The following SPAG16 variants were observed in gnomAD, a reference collection of about 807,000 sequenced individuals.
The protein encoded by SPAG16 is sperm associated antigen 16.
Under a neutral mutation model 80.4 loss-of-function variants are expected in SPAG16, and 86 were observed. The observed-to-expected ratio is 1.07, with a 90% CI of 0.90 to 1.28. The LOEUF is 1.28. SPAG16 is among the 50% of genes most tolerant of loss of function. The probability of loss-of-function intolerance (pLI) is 0.00; values close to 1 mark genes in which losing one functional copy is unlikely to be tolerated. For missense variants in SPAG16, 870 were observed against 765.3 expected, an observed-to-expected ratio of 1.14 and a Z score of -1.61; for synonymous variants, 294 against 265.9, an observed-to-expected ratio of 1.11 and a Z score of -1.03.
chr2:214,311,193 CCCCTCTCT>C lies in SPAG16; in HGVS notation c.1721-98937_1721-98930del, dbSNP rs779384902. ...AGGAGCGCTTTGGCAGTCTGCATTC[CCCCTCTCT>C]CCCTCTCTCTAGGGTCAGCACACTC... On this transcript the variant is annotated intron_variant, in intron 15 of 15. Coordinates refer to ENST00000331683, the MANE Select transcript of SPAG16 (RefSeq NM_024532.5). 2.6e-3 allele frequency among the ~76,000 whole-genome samples: 394 copies of C among 152,242 alleles called. 2 individuals are homozygous for C. The highest frequency in any genetic ancestry group is 3.9e-3 in the Non-Finnish European group (263 of 68,020).
chr2:213,540,836 T>C (rs374454328), intron 10 of SPAG16, among the ~76,000 whole-genome samples: 14 of 152,288 alleles, frequency 9.2e-5, no homozygotes, highest in African/African-American at 3.4e-4. Flanking sequence ...ACCACAGAAA[T>C]GCCAGACAGA....
chr2:214,234,465 A>G (rs958201770), intron 15 of SPAG16, among the ~76,000 whole-genome samples: 3 of 152,100 alleles, frequency 2.0e-5, no homozygotes, highest in African/African-American at 7.2e-5. Context: ...AATTACCACA[A>G]TGTCTTCCAC....
chr2:213,353,572 C>T (rs2065455507), intron 7 of SPAG16, among the ~76,000 whole-genome samples: 1 of 152,152 alleles, frequency 6.6e-6, no homozygotes, highest in African/African-American at 2.4e-5. Context: ...CCTGGAGTAT[C>T]CCTAGAGTAT....
At chr2:214,374,100 G>A (rs1026570864) in intron 15 of SPAG16, among the ~76,000 whole-genome samples, 1 of 152,178 alleles carries the variant, frequency 6.6e-6, no homozygotes, top group Non-Finnish European at 1.5e-5. Context: ...TAAGAAGGTA[G>A]GTTGAGGCCA....
At chr2:213,554,797 A>C (rs1267706781) in intron 10 of SPAG16, among the ~76,000 whole-genome samples, 1 of 151,958 alleles carries the variant, frequency 6.6e-6, no homozygotes, top group African/African-American at 2.4e-5. Context: ...AACACAAAGG[A>C]GAACAAAGAA....
At chr2:214,280,163 G>T (rs577895193) in intron 15 of SPAG16, among the ~76,000 whole-genome samples, 1 of 152,196 alleles carries the variant, frequency 6.6e-6, no homozygotes, top group East Asian at 1.9e-4. Flanking sequence ...TGCAATGTTG[G>T]TTTAATATTT....
At chr2:214,268,183 C>T (rs907162239) in intron 15 of SPAG16, among the ~76,000 whole-genome samples, 3 of 151,654 alleles carry the variant, frequency 2.0e-5, no homozygotes, top group African/African-American at 4.8e-5. Flanking sequence ...TTGGCAAGCA[C>T]GTGGAGAAAA....
At chr2:213,677,152 G>A (rs1340755053) in intron 10 of SPAG16, among the ~76,000 whole-genome samples, 2 of 152,004 alleles carry the variant, frequency 1.3e-5, no homozygotes, top group Non-Finnish European at 2.9e-5. Context: ...GGTACCAGCC[G>A]CTGTAAAATC....
intron 10 of SPAG16, among the ~76,000 whole-genome samples, chr2:213,785,801 G>A (rs1483942126): frequency 6.6e-6 from 1 of 152,132 alleles, no homozygotes; most frequent in Non-Finnish European, 1.5e-5. Flanking sequence ...AGGATCAAGA[G>A]ACTGAGAACA....
intron 13 of SPAG16, among the ~76,000 whole-genome samples, chr2:214,021,436 C>T (rs964741348): frequency 3.9e-5 from 6 of 152,058 alleles, no homozygotes; most frequent in Non-Finnish European, 7.4e-5. Flanking sequence ...AAGAAAGAGA[C>T]GCTTGTGCAG....
chr2:213,595,840 T>C (rs1332473914), intron 10 of SPAG16, among the ~76,000 whole-genome samples: 2 of 152,096 alleles, frequency 1.3e-5, no homozygotes, highest in Non-Finnish European at 2.9e-5. Context: ...GATAGCAGTT[T>C]TTTTATTAAA....
chr2:213,604,521 T>C (rs2061185755), intron 10 of SPAG16, among the ~76,000 whole-genome samples: 1 of 152,192 alleles, frequency 6.6e-6, no homozygotes, highest in African/African-American at 2.4e-5. Context: ...TTCATCTAAT[T>C]AATCATCATA....
intron 10 of SPAG16, among the ~76,000 whole-genome samples, chr2:213,847,902 A>G (rs1350072467): frequency 2.6e-5 from 4 of 152,068 alleles, no homozygotes; most frequent in African/African-American, 9.7e-5. Context: ...TAATACAAAA[A>G]GTAACTGGAG....
chr2:213,834,601 T>G (rs1485542709), intron 10 of SPAG16, among the ~76,000 whole-genome samples: 2 of 152,080 alleles, frequency 1.3e-5, no homozygotes, highest in African/African-American at 2.4e-5. Flanking sequence ...TATGGCTTGC[T>G]TTGTGGGAGG....
chr2:214,230,289 G>A (rs1023044971), intron 15 of SPAG16, among the ~76,000 whole-genome samples: 1 of 151,772 alleles, frequency 6.6e-6, no homozygotes, highest in African/African-American at 2.4e-5. Flanking sequence ...TAAACATGAC[G>A]AGGGAAAAGA....
chr2:213,937,213 A>G (rs1341628691), intron 12 of SPAG16, among the ~76,000 whole-genome samples: 1 of 152,106 alleles, frequency 6.6e-6, no homozygotes, highest in South Asian at 2.1e-4. Flanking sequence ...AAAGTTGGCT[A>G]TGCTAGCAAA....
intron 15 of SPAG16, among the ~76,000 whole-genome samples, chr2:214,256,166 T>C (rs749378947): frequency 3.6e-4 from 55 of 152,114 alleles, no homozygotes; most frequent in Non-Finnish European, 6.0e-4. Flanking sequence ...TAGTATCTAA[T>C]AGTAGTTTTA....
chr2:213,753,430 G>A (rs192498937), intron 10 of SPAG16, among the ~76,000 whole-genome samples: 2 of 152,242 alleles, frequency 1.3e-5, no homozygotes, highest in Admixed American at 6.5e-5. Flanking sequence ...ATTATTTATG[G>A]TTCTATAAGA....
intron 15 of SPAG16, among the ~76,000 whole-genome samples, chr2:214,367,805 ACTTT>A (rs1445493693): frequency 1.3e-5 from 2 of 152,044 alleles, no homozygotes; most frequent in African/African-American, 4.8e-5. Context: ...ACCCAGCTCC[ACTTT>A]TTTTCCTTGA....
Sources: allele counts gnomAD v4.1 joint callset (sites outside exome capture counted in the v4.1 genomes callset), GRCh38; gene constraint gnomAD v4.1.1; transcripts MANE v1.5; gene names NCBI Gene and HGNC (gene_info 2026-07-23, HGNC 2026-07-21).